DPP8: variants seen among roughly 807,000 people sequenced by gnomAD.
DPP8 encodes DPP VIII.
DPP8 carries 31 observed loss-of-function variants against 107.5 expected under a neutral mutation model. The observed-to-expected ratio is 0.29, with a 90% CI of 0.22 to 0.39. The LOEUF (loss-of-function observed/expected upper bound fraction) is 0.39, where lower values mean the gene tolerates loss of function less well. DPP8 is among the 10% of genes least tolerant of loss of function. DPP8 has a pLI of 1.00. For synonymous variants in DPP8, 381 were observed against 356.6 expected (o/e 1.07, Z -0.77); for missense variants, 842 against 1,076.1 (o/e 0.78, Z 3.04).
rs747089802 is a variant in DPP8 at position 65,463,742 on chromosome 15, T to C, written c.1971+19A>G. 11 of 1,588,202 alleles carry C rather than the reference T, an allele frequency of 6.9e-6. No individual in the cohort carries two copies. The highest frequency in any genetic ancestry group is 1.7e-5 in the Admixed American group (1 of 59,688). Reference sequence around the variant, plus strand: ...ATATGCATATGGGTGTATGTATATATGTATATAAATATGCCCACCTGAGGA... The same window carrying C: ...ATATGCATATGGGTGTATGTATATACGTATATAAATATGCCCACCTGAGGA... On this transcript the variant is annotated intron_variant, in intron 15 of 19. Transcript: ENST00000300141.
chr15:65,500,359 G>A (rs572081178), intron 4 of DPP8, among the ~76,000 whole-genome samples: 178 of 151,832 alleles, frequency 1.2e-3, no homozygotes, highest in Admixed American at 1.9e-3. Flanking sequence ...CAGAGGTTGC[G>A]GTGAGCCAAG....
At chr15:65,477,590 C>A (rs548162030) in intron 11 of DPP8, among the ~76,000 whole-genome samples, 1 of 145,634 alleles carries the variant, frequency 6.9e-6, no homozygotes, top group Non-Finnish European at 1.5e-5. Context: ...AGTGCAGTGG[C>A]GCGATCTCGG....
chr15:65,489,865 G>A (rs933375984), intron 6 of DPP8, among the ~76,000 whole-genome samples: 4 of 151,894 alleles, frequency 2.6e-5, no homozygotes, highest in East Asian at 1.9e-4. Context: ...TTACAGGCGC[G>A]TGCTACCATG....
chr15:65,450,862 A>C (rs1021734229), intron 19 of DPP8, 137 bp downstream of exon 19: 2 of 594,186 alleles, frequency 3.4e-6, no homozygotes, highest in African/African-American at 3.8e-5. Flanking sequence ...GCACTACTAA[A>C]TATGCCTCTT....
chr15:65,488,543 CTT>C (rs2067662000), intron 6 of DPP8, among the ~76,000 whole-genome samples: 1 of 135,428 alleles, frequency 7.4e-6, no homozygotes, highest in South Asian at 2.4e-4. Context: ...GGGAGGCAGA[CTT>C]TGCAGTGAGC....
At chr15:65,482,866 G>A (rs2067056810) in intron 8 of DPP8, among the ~76,000 whole-genome samples, 1 of 151,838 alleles carries the variant, frequency 6.6e-6, no homozygotes, top group African/African-American at 2.4e-5. Context: ...AGAGGCCGAG[G>A]CGGGCAAATC....
At chr15:65,514,196 T>G (rs1242817512) in intron 1 of DPP8, among the ~76,000 whole-genome samples, 1 of 152,218 alleles carries the variant, frequency 6.6e-6, no homozygotes, top group African/African-American at 2.4e-5. Context: ...TCTTTTTTCA[T>G]GCTACAGTTA....
intron 12 of DPP8, 91 bp downstream of exon 12, chr15:65,474,118 C>T: frequency 1.0e-6 from 1 of 977,302 alleles, no homozygotes; most frequent in Non-Finnish European, 1.6e-6. Context: ...AAAAAAAATA[C>T]CGGGGTCATA....
At chr15:65,461,018 G>C (rs957735534) in intron 15 of DPP8, among the ~76,000 whole-genome samples, 1 of 152,150 alleles carries the variant, frequency 6.6e-6, no homozygotes, top group African/African-American at 2.4e-5. Flanking sequence ...TTTGATAACA[G>C]CCAATCCAAT....
intron 17 of DPP8, 126 bp downstream of exon 17, chr15:65,454,137 A>T: frequency 6.2e-6 from 1 of 162,054 alleles, no homozygotes; most frequent in Non-Finnish European, 1.1e-5. Flanking sequence ...ACTTCGTCTC[A>T]AAAAAAAAAA....
At chr15:65,497,825 T>C (rs1398532244) in intron 5 of DPP8, 39 bp downstream of exon 5, 1 of 1,377,226 alleles carries the variant, frequency 7.3e-7, no homozygotes, top group Non-Finnish European at 9.6e-7. Context: ...CTTCAAAAAA[T>C]ACTGTTCAGA....
intron 5 of DPP8, among the ~76,000 whole-genome samples, chr15:65,491,796 G>A (rs995082854): frequency 6.6e-5 from 10 of 152,136 alleles, no homozygotes; most frequent in Admixed American, 2.0e-4. Flanking sequence ...GCAGTGGCGT[G>A]ATCTCGGCTC....
At chr15:65,494,079 G>A (rs2068315337) in intron 5 of DPP8, among the ~76,000 whole-genome samples, 1 of 149,664 alleles carries the variant, frequency 6.7e-6, no homozygotes. Context: ...ACTAAGAGAT[G>A]GTTAAATAAC....
At chr15:65,493,535 C>A (rs1484764977) in intron 5 of DPP8, among the ~76,000 whole-genome samples, 2 of 152,084 alleles carry the variant, frequency 1.3e-5, no homozygotes, top group African/African-American at 4.8e-5. Flanking sequence ...TTATCAATAT[C>A]CTCAGGTCAC....
Position 65,459,040 on chromosome 15 carries a change from TA to T in DPP8, c.1972-2670del, listed in dbSNP as rs778137486. ...AGATTCTTTATTTTTTTTTTAACCTTAAAAAAAAAAAAGGCGGGGGGGGTCT... is the reference window on the plus strand; with the variant it reads ...AGATTCTTTATTTTTTTTTTAACCTTAAAAAAAAAAAGGCGGGGGGGGTCT... On this transcript the variant is annotated intron_variant, in intron 15 of 19. Transcript: ENST00000300141. The T allele has an allele frequency of 3.8e-3, 505 of 131,600 alleles. 3 individuals carry two copies. The highest frequency in any genetic ancestry group is 9.9e-3 in the African/African-American group (350 of 35,264). 8.2% of individuals were successfully genotyped at this position (131,600 alleles called of 1,614,324 possible).
intron 12 of DPP8, among the ~76,000 whole-genome samples, chr15:65,470,013 A>G (rs1285546250): frequency 1.3e-5 from 2 of 151,714 alleles, no homozygotes; most frequent in South Asian, 2.1e-4. Flanking sequence ...CTTGGCCAAC[A>G]TGGCAAAACC....
chr15:65,454,449 G>C, intron 16 of DPP8, 34 bp from the exon 17 acceptor site: 2 of 1,567,132 alleles, frequency 1.3e-6, no homozygotes, highest in Non-Finnish European at 1.7e-6. Flanking sequence ...CACTGATTCT[G>C]ATGAATAAAA....
chr15:65,514,700 C>T (rs752619907), intron 1 of DPP8, among the ~76,000 whole-genome samples: 3 of 152,072 alleles, frequency 2.0e-5, no homozygotes, highest in Non-Finnish European at 2.9e-5. Context: ...TTAGTAGAGA[C>T]GGGGTTTCAC....
In DPP8 at chr15:65,454,264, C is replaced by G; in HGVS notation, c.2270G>C (p.Arg757Thr). Residue 757 changes from arginine to threonine, a missense_variant and splice_region_variant, in exon 17 of 20, where the codon AGG becomes ACG. Arg to Thr is a moderately conservative substitution (Grantham distance 71). This residue lies in a region of DPP8 where 179 missense variants were observed against 318.0 expected (regional missense o/e 0.56). Transcript: ENST00000300141. ...MALMQRSDIF[R>T]VAIAGAPVTL... ...TGAGTATAATAGGAAGTCACATACC[C>G]TGAAGATATCTGACCTCTGCATTAA... The G allele has an allele frequency of 6.6e-7, 1 of 1,524,430 alleles. No individual in the cohort carries two copies. The highest frequency in any genetic ancestry group is 8.7e-7 in the Non-Finnish European group (1 of 1,144,962). The allele number at this position is 1,524,430 out of a possible 1,614,324, so 94.4% of individuals were successfully genotyped here.
Sources: allele counts gnomAD v4.1 joint callset (sites outside exome capture counted in the v4.1 genomes callset), GRCh38; gene constraint gnomAD v4.1.1; regional missense constraint gnomAD v4.1.1; transcripts MANE v1.5; gene names NCBI Gene and HGNC (gene_info 2026-07-23, HGNC 2026-07-21).